The following TMEM91 variants were observed in gnomAD, a reference collection of about 807,000 sequenced individuals.
TMEM91 encodes the protein transmembrane protein 91.
In TMEM91, 6 loss-of-function variants were observed where a neutral mutation model predicts 13.3. That is an observed-to-expected ratio of 0.45 (90% CI 0.25 to 0.89). TMEM91 has a LOEUF of 0.89. Among genes scored for constraint, TMEM91 ranks in the 40% least tolerant of loss-of-function variants. The pLI, the probability that TMEM91 is intolerant of heterozygous loss-of-function variation, is 0.19. For missense variants in TMEM91, 193 were observed against 228.7 expected (o/e 0.84, Z 1.01); for synonymous variants, 87 against 101.7 (o/e 0.86, Z 0.87).
Position 41,378,315 on chromosome 19 carries a change from C to T in TMEM91, c.6C>T (p.Asp2=). ...CCTGGAGTTTCCCCAAAGCCATGGA[C>T]AGCCCTAGTCTTCGTGAGCTTCAAC... The part of the protein sequence containing the change: M[D]SPSLRELQQP... Residue 2 remains aspartate, a synonymous_variant, in exon 2 of 4, where the codon GAC becomes GAT. Transcript: ENST00000392002. The T allele has an allele frequency of 6.2e-7, 1 of 1,613,464 alleles. No individual in the cohort carries two copies.
intron 2 of TMEM91, among the ~76,000 whole-genome samples, chr19:41,380,459 G>GA (rs1366498614): frequency 6.6e-6 from 1 of 152,122 alleles, no homozygotes; most frequent in Non-Finnish European, 1.5e-5. Context: ...TGATGGGAAG[G>GA]ATATCAAAGT....
chr19:41,381,186 T>TTTTA (rs1002906647), intron 2 of TMEM91, among the ~76,000 whole-genome samples: 190 of 151,616 alleles, frequency 1.3e-3, no homozygotes, highest in Middle Eastern at 3.4e-3. Context: ...AATCTCCATC[T>TTTTA]TTTATTTATT....
chr19:41,377,986 C>T (rs985105394), intron 1 of TMEM91, among the ~76,000 whole-genome samples: 11 of 140,778 alleles, frequency 7.8e-5, no homozygotes, highest in Admixed American at 7.5e-5. Context: ...TGCACTCTAG[C>T]GGATCTGCAG....
chr19:41,365,375 C>T (rs1233008563), intron 1 of TMEM91, among the ~76,000 whole-genome samples: 1 of 152,038 alleles, frequency 6.6e-6, no homozygotes, highest in Non-Finnish European at 1.5e-5. Flanking sequence ...TAAATGTTAT[C>T]CTATTGAAAT....
intron 1 of TMEM91, among the ~76,000 whole-genome samples, chr19:41,364,789 T>C (rs1272684742): frequency 6.6e-6 from 1 of 152,026 alleles, no homozygotes; most frequent in Non-Finnish European, 1.5e-5. Context: ...CTCTTTCCTA[T>C]TGATTGATTT....
chr19:41,375,297 T>TTTTTATTC (rs869066634), upstream of TMEM91, among the ~76,000 whole-genome samples: 1 of 113,262 alleles, frequency 8.8e-6, no homozygotes, highest in African/African-American at 3.3e-5. Context: ...TTTTTTTTTT[T>TTTTTATTC]TGAGACGGAG....
intron 1 of TMEM91, among the ~76,000 whole-genome samples, chr19:41,377,856 C>CAAA (rs533325790): frequency 3.5e-5 from 5 of 143,656 alleles, no homozygotes; most frequent in African/African-American, 1.3e-4. Context: ...ACTAAAAATA[C>CAAA]AAAAAAAAAA....
chr19:41,366,754 C>G (rs374925488), intron 1 of TMEM91, among the ~76,000 whole-genome samples: 1 of 152,020 alleles, frequency 6.6e-6, no homozygotes, highest in African/African-American at 2.4e-5. Context: ...CCACTGCTCC[C>G]GGCTGAGGTC....
chr19:41,383,524 A>ATTTTTATTT (rs1555761911), intron 3 of TMEM91, 191 bp from the exon 4 acceptor site: 1 of 1,478,748 alleles, frequency 6.8e-7, no homozygotes, highest in Non-Finnish European at 9.0e-7. Context: ...TATTATTATT[A>ATTTTTATTT]TTTTTTACCA....
At chr19:41,381,056 G>C (rs569252628) in intron 2 of TMEM91, among the ~76,000 whole-genome samples, 1 of 114,102 alleles carries the variant, frequency 8.8e-6, no homozygotes, top group Admixed American at 1.2e-4. Context: ...CTGCCCTCCA[G>C]CCTGGGCAAG....
intron 2 of TMEM91, among the ~76,000 whole-genome samples, chr19:41,380,805 T>C (rs2038861059): frequency 6.6e-6 from 1 of 150,976 alleles, no homozygotes; most frequent in Non-Finnish European, 1.5e-5. Context: ...TCCCAGCTAT[T>C]CGGGAGGCTG....
chr19:41,364,872 A>C (rs2038488156), intron 1 of TMEM91, among the ~76,000 whole-genome samples: 1 of 151,712 alleles, frequency 6.6e-6, no homozygotes, highest in African/African-American at 2.4e-5. Context: ...CAAGCCAGTC[A>C]TCAGGTCCCA....
rs745326396 is a variant in TMEM91, at chr19:41,383,879, C to G, written c.*6C>G. 2.4e-5 allele frequency: 39 copies of G among 1,604,140 alleles called. No homozygotes were observed. The highest frequency in any genetic ancestry group is 4.1e-5 in the African/African-American group (3 of 74,054). On this transcript the variant is annotated 3_prime_UTR_variant, in exon 4 of 4. Transcript: ENST00000392002. ...CCTCCCGAGACCCGCCCTAGTTGCCCCTACAGCCCTCACTGTGAACCCTGA... is the reference window on the plus strand; with the variant it reads ...CCTCCCGAGACCCGCCCTAGTTGCCGCTACAGCCCTCACTGTGAACCCTGA...
At position 41,382,774 on chromosome 19, in the gene TMEM91, CAT is replaced by C; in HGVS notation, c.214_215del (p.Met72ValfsTer4). On this transcript the variant is annotated frameshift_variant, in exon 3 of 4. Transcript: ENST00000392002. LOFTEE classifies it high-confidence loss of function. ...CCTGGGCACTTTCCTGTCCGTAGGA[CAT>C]GTCATCCAGTGACAGTGACTCGGAC... ...GEPRPPDVEDMSSSDSDSDWD... is the reference protein window; with the variant it reads ...GEPRPPDVEDXSSSDSDSDWD... 1.2e-6 allele frequency: 2 copies of C among 1,613,592 alleles called. No homozygotes were observed. Among genetic ancestry groups the C allele is most frequent in the Non-Finnish European group, 1.7e-6 (2 of 1,179,638 alleles).
chr19:41,383,893 T>C lies in TMEM91; in HGVS notation c.*20T>C. On this transcript the variant is annotated 3_prime_UTR_variant, in exon 4 of 4. Coordinates refer to ENST00000392002, the MANE Select transcript of TMEM91 (RefSeq NM_001098821.2). The stretch of plus-strand genomic sequence containing the variant: ...CCCTAGTTGCCCCTACAGCCCTCAC[T>C]GTGAACCCTGAGGCCGGCAGCCCAG... 1 of 1,592,814 alleles carries C rather than the reference T, an allele frequency of 6.3e-7. No homozygotes were observed. The highest frequency in any genetic ancestry group is 8.5e-7 in the Non-Finnish European group (1 of 1,171,628).
chr19:41,365,194 C>T (rs953410480), intron 1 of TMEM91, among the ~76,000 whole-genome samples: 1 of 151,974 alleles, frequency 6.6e-6, no homozygotes, highest in African/African-American at 2.4e-5. Context: ...CCAATAGATA[C>T]AAAGTATTTA....
rs137877470 is a variant in TMEM91 at position 41,370,922 on chromosome 19, C to G, written c.-30+6827C>G. ...TTCACCATGTTGGCCAGGATGTACTCGAACTCCTGACCTCAGGTGATCAGC... is the reference window on the plus strand; with the variant it reads ...TTCACCATGTTGGCCAGGATGTACTGGAACTCCTGACCTCAGGTGATCAGC... On this transcript the variant is annotated intron_variant, in intron 1 of 3. Coordinates refer to the TMEM91 transcript ENST00000413014. 3.3e-5 allele frequency among the ~76,000 whole-genome samples: 5 copies of G among 151,646 alleles called. No homozygotes were observed. The East Asian group carries it at 9.7e-4, about 29-fold the overall frequency.
At chr19:41,379,615 G>A (rs2038825495) in intron 2 of TMEM91, among the ~76,000 whole-genome samples, 2 of 150,438 alleles carry the variant, frequency 1.3e-5, no homozygotes, top group Non-Finnish European at 3.0e-5. Context: ...AAGAGAGAGA[G>A]AAAGAGAGAA....
At chr19:41,373,921 T>G (rs1472036070), upstream of TMEM91, 1 of 151,600 alleles carries the variant, frequency 6.6e-6, no homozygotes, top group African/African-American at 2.4e-5. Context: ...CAAGCAGTCC[T>G]CCCTCCTCGG....
Sources: allele counts gnomAD v4.1 joint callset (sites outside exome capture counted in the v4.1 genomes callset), GRCh38; gene constraint gnomAD v4.1.1; transcripts MANE v1.5; gene names NCBI Gene and HGNC (gene_info 2026-07-23, HGNC 2026-07-21).